Variants in KRT39 observed in about 807,000 individuals in gnomAD.
The protein encoded by KRT39 is keratin 39.
Under a neutral mutation model 54.8 loss-of-function variants are expected in KRT39, and 47 were observed. The observed-to-expected ratio is 0.86, with a 90% CI of 0.68 to 1.09. The LOEUF is 1.09. Ranked by LOEUF, KRT39 falls within the 50% of genes least tolerant of loss-of-function variation. The probability of loss-of-function intolerance (pLI) is 0.00; values close to 1 mark genes in which losing one functional copy is unlikely to be tolerated. For missense variants in KRT39, 580 were observed against 598.5 expected, an observed-to-expected ratio of 0.97 and a Z score of 0.32; for synonymous variants, 207 against 227.9, an observed-to-expected ratio of 0.91 and a Z score of 0.83.
In KRT39 at chr17:40,964,490, C is replaced by G; in HGVS notation, c.507G>C (p.Ser169=). ...CTKAENSRLV[S]QIDNTKLTAD... is the part of the protein sequence containing the mutation. ...CAGTCAGTTTGGTGTTGTCAATTTGCGAGACCAGTCTGGAATTCTCGGCCT... is the reference window on the plus strand; with the variant it reads ...CAGTCAGTTTGGTGTTGTCAATTTGGGAGACCAGTCTGGAATTCTCGGCCT... The change falls in exon 2 of 7, where the codon TCG becomes TCC. Residue 169 remains serine (S), a synonymous_variant. Coordinates refer to ENST00000355612, the MANE Select transcript of KRT39 (RefSeq NM_213656.4). 6.2e-7 allele frequency: 1 copy of G among 1,613,986 alleles called. No individual in the cohort carries two copies. Among genetic ancestry groups the G allele is most frequent in the Non-Finnish European group, 8.5e-7 (1 of 1,179,942 alleles).
chr17:40,961,433 C>T lies in KRT39; in HGVS notation c.996+729G>A, dbSNP rs187508723. 1.3e-3 allele frequency among the ~76,000 whole-genome samples: 204 copies of T among 152,252 alleles called. 1 individual carries two copies. Among genetic ancestry groups the T allele is most frequent in the African/African-American group, 4.8e-3 (198 of 41,538 alleles). On this transcript the variant is annotated intron_variant, in intron 5 of 6. Transcript: ENST00000355612. The stretch of plus-strand genomic sequence containing the variant: ...CAATATGTTGTCCAAGGTCACATGA[C>T]TAGCTGGTGACAAAACCAGTGTGGG...
intron 5 of KRT39, among the ~76,000 whole-genome samples, chr17:40,960,887 T>C (rs1446163199): frequency 6.6e-6 from 1 of 152,206 alleles, no homozygotes; most frequent in Non-Finnish European, 1.5e-5. Flanking sequence ...ATCCCAGCAC[T>C]TTGGGAGGCC....
chr17:40,960,487 C>A lies in KRT39; in HGVS notation c.1011G>T (p.Glu337Asp). 1 of 1,613,702 alleles carries A rather than the reference C, an allele frequency of 6.2e-7. No individual in the cohort carries two copies. Among genetic ancestry groups the A allele is most frequent in the Non-Finnish European group, 8.5e-7 (1 of 1,179,674 alleles). ...GAGCCTCTGTCTCCGTTAGGATGCA[C>A]TCTTGGGAATCTCTCTACCATGGAG... ...QAQHRMRDSQ[E>D]CILTETEARY... Residue 337 changes from glutamate (E) to aspartate (D), a missense_variant, in exon 6 of 7, where the codon GAG (glutamate) becomes GAT (aspartate). Transcript: ENST00000355612.
chr17:40,966,505 C>A lies in KRT39; in HGVS notation c.352G>T (p.Glu118Ter), dbSNP rs201981294. ...ANYLQKVRML[E>*]RENAELESKI... is the part of the protein sequence containing the mutation. ...GATTCCAGTTCAGCATTCTCTCGTT[C>A]TAGCATTCGCACCTTTTGCAGGTAG... The change falls in exon 1 of 7, where the codon GAA becomes TAA. Residue 118 changes from glutamate (E) to a stop codon, truncating the protein, a stop_gained. Coordinates refer to ENST00000355612, the MANE Select transcript of KRT39 (RefSeq NM_213656.4). LOFTEE classifies it high-confidence loss of function. The A allele has an allele frequency of 6.2e-7, 1 of 1,614,152 alleles. No individual in the cohort carries two copies. The highest frequency in any genetic ancestry group is 2.2e-5 in the East Asian group (1 of 44,876).
Position 40,958,432 on chromosome 17 carries a change from G to C in KRT39, c.*169C>G. The C allele has an allele frequency of 3.3e-6, 2 of 612,710 alleles. No individual in the cohort carries two copies. 38.0% of individuals were successfully genotyped at this position (612,710 alleles called of 1,614,324 possible). ...TTTATTATCATGTTAGCAGTGGTGA[G>C]TTAGGGAAGGAGCAGAATAAAAGAT... On this transcript the variant is annotated 3_prime_UTR_variant, in exon 7 of 7. Coordinates refer to ENST00000355612, the MANE Select transcript of KRT39 (RefSeq NM_213656.4).
chr17:40,963,683 C>A lies in KRT39; in HGVS notation c.652G>T (p.Ala218Ser). The change falls in exon 3 of 7, where the codon GCA becomes TCA. Residue 218 changes from alanine to serine, a missense_variant. Transcript: ENST00000355612. ...TCCTCTTTCAGAGACTGGACTTGTG[C>A]CTCTAGGTCGGCCTTGCCCAGGGTC... is the stretch of plus-strand genomic sequence containing the variant. ...VLTLGKADLE[A>S]QVQSLKEELL... 1 of 1,611,730 alleles carries A rather than the reference C, an allele frequency of 6.2e-7. No homozygotes were observed. The highest frequency in any genetic ancestry group is 1.1e-5 in the South Asian group (1 of 90,852).
chr17:40,960,821 G>A (rs1207563090), intron 5 of KRT39: 8 of 370,758 alleles, frequency 2.2e-5, no homozygotes, highest in Admixed American at 1.3e-4. Flanking sequence ...ATAACTTAAT[G>A]CACACCCAGG....
At chr17:40,960,768 A>G (rs982509783) in intron 5 of KRT39, 2 of 541,466 alleles carry the variant, frequency 3.7e-6, no homozygotes, top group Non-Finnish European at 6.6e-6. Context: ...TTGACCAACC[A>G]ATAGTCTCGC....
rs1911194525 is a variant in KRT39, at chr17:40,962,454, T to A, written c.818A>T (p.Glu273Val). Residue 273 changes from glutamate (E) to valine (V), a missense_variant, in exon 4 of 7, where the codon GAG becomes GTG. Transcript: ENST00000355612. Reference sequence around the variant, plus strand: ...TTTGCGGTTTGTCTCCATGATGGGCTCATATTGACATCTCATTTCTTGTAG... The same window carrying A: ...TTTGCGGTTTGTCTCCATGATGGGCACATATTGACATCTCATTTCTTGTAG... ...QVLQEMRCQY[E>V]PIMETNRKDV... The A allele has an allele frequency of 6.2e-7, 1 of 1,614,120 alleles. No homozygotes were observed. Among genetic ancestry groups the A allele is most frequent in the African/African-American group, 1.3e-5 (1 of 74,942 alleles).
intron 1 of KRT39, among the ~76,000 whole-genome samples, 185 bp from the exon 2 acceptor site, chr17:40,964,713 A>G (rs1911295034): frequency 6.6e-6 from 1 of 152,170 alleles, no homozygotes; most frequent in Non-Finnish European, 1.5e-5. Flanking sequence ...ATTTTCCTAA[A>G]AGATCAGCAA....
At chr17:40,965,911 G>C (rs902016996) in intron 1 of KRT39, among the ~76,000 whole-genome samples, 1 of 152,138 alleles carries the variant, frequency 6.6e-6, no homozygotes, top group Non-Finnish European at 1.5e-5. Context: ...TAAAGACATA[G>C]TCTCACTTTT....
intron 5 of KRT39, among the ~76,000 whole-genome samples, chr17:40,961,404 G>T (rs1911147207): frequency 6.6e-6 from 1 of 152,166 alleles, no homozygotes; most frequent in African/African-American, 2.4e-5. Flanking sequence ...AGGTTCAAGT[G>T]GTTCAATATG....
At chr17:40,962,612 T>G (rs776678927) in intron 3 of KRT39, 49 bp from the exon 4 acceptor site, 3 of 1,534,288 alleles carry the variant, frequency 2.0e-6, no homozygotes, top group Non-Finnish European at 1.8e-6. Context: ...AGATAACCCC[T>G]TTGTGTTCTT....
At chr17:40,961,635 A>G (rs541717870) in intron 5 of KRT39, among the ~76,000 whole-genome samples, 3 of 152,330 alleles carry the variant, frequency 2.0e-5, no homozygotes, top group Non-Finnish European at 4.4e-5. Flanking sequence ...GTGTCTCTAT[A>G]AAATAGGTGG....
rs200527842 is a variant in KRT39 at position 40,960,705 on chromosome 17, TTCTC to T, written c.997-208_997-205del. On this transcript the variant is annotated intron_variant, in intron 5 of 6. Coordinates refer to ENST00000355612, the MANE Select transcript of KRT39 (RefSeq NM_213656.4). ...CTGCTTTCCTTTATCTCTTCCCTCT[TTCTC>T]TCTTTCTCTTTTTGCTTCTCTGTAA... The T allele has an allele frequency of 4.8e-3, 2,797 of 583,452 alleles. 65 individuals are homozygous for T. The African/African-American group carries it at 0.048, about 10-fold the overall frequency. The allele number at this position is 583,452 out of a possible 1,614,324, so 36.1% of individuals were successfully genotyped here. A position where few individuals can be genotyped will look rare whatever the true frequency, so the allele number is the denominator to read the frequency against.
rs776935691 is a variant in KRT39 at position 40,964,498 on chromosome 17, G to C, written c.499C>G (p.Leu167Val). 17 of 1,614,044 alleles carry C rather than the reference G, an allele frequency of 1.1e-5. No individual in the cohort carries two copies. Among genetic ancestry groups the C allele is most frequent in the Admixed American group, 1.0e-4 (6 of 60,022 alleles). The change falls in exon 2 of 7, where the codon CTG becomes GTG. Residue 167 changes from leucine (L) to valine (V), a missense_variant. Physicochemically the swap from Leu to Val is conservative, Grantham distance 32. Transcript: ENST00000355612. ...TTGGTGTTGTCAATTTGCGAGACCA[G>C]TCTGGAATTCTCGGCCTTGGTACAC... ...ILCTKAENSR[L>V]VSQIDNTKLT...
chr17:40,963,693 G>A lies in KRT39; in HGVS notation c.642C>T (p.Ala214=), dbSNP rs140783094. 7.5e-4 allele frequency: 1,205 copies of A among 1,611,276 alleles called. 10 individuals carry two copies. In the Middle Eastern group the frequency reaches 0.018, roughly 24 times the overall value. Residue 214 remains alanine, a synonymous_variant, in exon 3 of 7, where the codon GCC becomes GCT. Transcript: ENST00000355612. ...QILNVLTLGK[A]DLEAQVQSLK... is the part of the protein sequence containing the mutation. ...GAGACTGGACTTGTGCCTCTAGGTCGGCCTTGCCCAGGGTCAGCACATTCA... is the reference window on the plus strand; with the variant it reads ...GAGACTGGACTTGTGCCTCTAGGTCAGCCTTGCCCAGGGTCAGCACATTCA...
intron 5 of KRT39, among the ~76,000 whole-genome samples, chr17:40,960,908 G>T (rs1458052091): frequency 3.3e-5 from 5 of 152,130 alleles, no homozygotes; most frequent in Admixed American, 3.3e-4. Flanking sequence ...CAGGTGGGTG[G>T]ATCACAAGGT....
intron 5 of KRT39, 170 bp from the exon 6 acceptor site, chr17:40,960,671 T>A (rs1911117333): frequency 1.7e-6 from 1 of 600,504 alleles, no homozygotes; most frequent in East Asian, 2.7e-5. Flanking sequence ...TGATCAACTA[T>A]GCTAAAATCT....
Sources: gnomAD v4.1 joint callset for allele counts (sites outside exome capture counted in the v4.1 genomes callset) on GRCh38, gnomAD v4.1.1 for gene constraint, MANE v1.5 for transcripts, NCBI Gene and HGNC (gene_info 2026-07-23, HGNC 2026-07-21) for gene names.